PDZD2: variants seen among roughly 807,000 people sequenced by gnomAD.
PDZD2 encodes PDZ domain-containing protein 2.
In PDZD2, 90 loss-of-function variants were observed where a neutral mutation model predicts 220.7. That is an observed-to-expected ratio of 0.41 (90% CI 0.34 to 0.49). The LOEUF is 0.49. Ranked by LOEUF, PDZD2 falls within the 20% of genes least tolerant of loss-of-function variation. The probability of loss-of-function intolerance (pLI) is 0.28; values close to 1 mark genes in which losing one functional copy is unlikely to be tolerated. For missense variants in PDZD2, 3,174 were observed against 3,608.5 expected, an observed-to-expected ratio of 0.88 and a Z score of 3.08; for synonymous variants, 1,375 against 1,450.5, an observed-to-expected ratio of 0.95 and a Z score of 1.18.
intron 2 of PDZD2, among the ~76,000 whole-genome samples, chr5:31,812,353 T>C (rs1008837458): frequency 6.6e-6 from 1 of 152,228 alleles, no homozygotes; most frequent in Non-Finnish European, 1.5e-5. Context: ...ACTGGCTTCC[T>C]TGTTCAATCG....
intron 2 of PDZD2, among the ~76,000 whole-genome samples, chr5:31,800,450 G>C (rs530250577): frequency 2.6e-5 from 4 of 152,174 alleles, no homozygotes; most frequent in Non-Finnish European, 5.9e-5. Flanking sequence ...TGGAGTACCT[G>C]TGTGGCTGAG....
intron 2 of PDZD2, among the ~76,000 whole-genome samples, chr5:31,863,010 C>T (rs1245306258): frequency 6.6e-6 from 1 of 152,152 alleles, no homozygotes; most frequent in African/African-American, 2.4e-5. Context: ...CCCACGCCTG[C>T]TGGGATTACA....
rs892481607 is a variant in PDZD2, at chr5:31,646,047, G to A, written c.-361+6610G>A. ...GGGTGTCAGGGAGCTTTGCACTGCG[G>A]GGGGGCCTTCTCACTACTGTCACTC... On this transcript the variant is annotated intron_variant, in intron 1 of 24. Coordinates refer to ENST00000438447, the MANE Select transcript of PDZD2 (RefSeq NM_178140.4). This position sits in a 1 kb window ranked among gnomAD's most constrained non-coding sequence, Gnocchi z 4.7. 4.1e-5 allele frequency among the ~76,000 whole-genome samples: 1 copy of A among 24,542 alleles called. No individual in the cohort carries two copies. Among genetic ancestry groups the A allele is most frequent in the South Asian group, 3.0e-3 (1 of 336 alleles). 16.1% of individuals were successfully genotyped at this position (24,542 alleles called of 152,430 possible).
chr5:32,071,478 G>C, intron 16 of PDZD2, 60 bp downstream of exon 16: 25 of 1,356,910 alleles, frequency 1.8e-5, no homozygotes, highest in Non-Finnish European at 2.6e-5. Context: ...AATTCCTGGA[G>C]CCCACAAGTC....
At chr5:31,745,120 T>C (rs1174334587) in intron 1 of PDZD2, among the ~76,000 whole-genome samples, 1 of 152,156 alleles carries the variant, frequency 6.6e-6, no homozygotes, top group Admixed American at 6.5e-5. Context: ...AAACACCAAG[T>C]GTCCCTGAGA....
intron 1 of PDZD2, among the ~76,000 whole-genome samples, chr5:31,778,107 G>T (rs766554138): frequency 6.6e-6 from 1 of 152,180 alleles, no homozygotes; most frequent in Admixed American, 6.5e-5. Context: ...AGCTAATCTA[G>T]TGGGGACTTG....
At chr5:31,921,607 T>C (rs1395207379) in intron 2 of PDZD2, among the ~76,000 whole-genome samples, 1 of 152,136 alleles carries the variant, frequency 6.6e-6, no homozygotes, top group Non-Finnish European at 1.5e-5. Flanking sequence ...GGAGGATCGC[T>C]TGAGCTTGTG....
At position 32,085,452 on chromosome 5, in the gene PDZD2, ATT is replaced by A. The variant is rs924402436; in HGVS notation, c.3683-1668_3683-1667del. Among the ~76,000 whole-genome samples, 38 of 142,780 alleles carry A rather than the reference ATT, an allele frequency of 2.7e-4. 1 individual carries two copies. The East Asian group carries it at 3.9e-3, about 14-fold the overall frequency. 93.7% of individuals were successfully genotyped at this position (142,780 alleles called of 152,430 possible). On this transcript the variant is annotated intron_variant, in intron 19 of 24. Transcript: ENST00000438447. ...TCAATAAATGCAATACCTTATTATT[ATT>A]TTTTTTTTTTGAGACGGAGTCTTGC...
chr5:31,995,427 C>A lies in PDZD2; in HGVS notation c.979-149C>A, dbSNP rs916845003. On this transcript the variant is annotated intron_variant, in intron 3 of 24. Coordinates refer to ENST00000438447, the MANE Select transcript of PDZD2 (RefSeq NM_178140.4). ...GCACTGCCAGCCAGAGACTTGGGTC[C>A]AATCGGCAGAATTCTTTTCTCCTGT... 7.7e-6 allele frequency: 6 copies of A among 780,558 alleles called. No individual in the cohort carries two copies. In the African/African-American group the frequency reaches 1.0e-4, roughly 13 times the overall value. The allele number at this position is 780,558 out of a possible 1,614,324, so 48.4% of individuals were successfully genotyped here. A position where few individuals can be genotyped will look rare whatever the true frequency, so the allele number is the denominator to read the frequency against.
intron 2 of PDZD2, among the ~76,000 whole-genome samples, chr5:31,869,248 G>A (rs1738519529): frequency 6.6e-6 from 1 of 152,172 alleles, no homozygotes; most frequent in Non-Finnish European, 1.5e-5. Context: ...AGGAACCTGT[G>A]CTGTCTGTAG....
At chr5:31,740,363 CAA>C (rs58267641) in intron 1 of PDZD2, among the ~76,000 whole-genome samples, 3 of 106,160 alleles carry the variant, frequency 2.8e-5, no homozygotes, top group East Asian at 2.3e-4. Flanking sequence ...TACTAAAAAT[CAA>C]AAAAAAAAAA....
intron 2 of PDZD2, among the ~76,000 whole-genome samples, chr5:31,979,618 T>C (rs1430782306): frequency 4.6e-5 from 7 of 152,052 alleles, no homozygotes; most frequent in Admixed American, 4.6e-4. Flanking sequence ...CAGGTTTATG[T>C]TTTGTGCTGT....
At position 31,688,378 on chromosome 5, in the gene PDZD2, C is replaced by T. The variant is rs147098842; in HGVS notation, c.-361+48941C>T. ...TCTTAAAGAGATAAATAGGGCTGGT[C>T]CACTTCTTTTCAGATTGGCTTCCAC... is the stretch of plus-strand genomic sequence containing the variant. On this transcript the variant is annotated intron_variant, in intron 1 of 24. Transcript: ENST00000438447. 2.8e-3 allele frequency among the ~76,000 whole-genome samples: 427 copies of T among 152,256 alleles called. 1 individual carries two copies. The highest frequency in any genetic ancestry group is 9.7e-3 in the African/African-American group (401 of 41,552).
chr5:31,968,223 TG>T (rs1401644446), intron 2 of PDZD2, among the ~76,000 whole-genome samples: 3 of 152,026 alleles, frequency 2.0e-5, no homozygotes, highest in Non-Finnish European at 4.4e-5. Context: ...CCAGGCGTGG[TG>T]GTGCATGTCT....
At chr5:31,807,880 C>A (rs143049807) in intron 2 of PDZD2, among the ~76,000 whole-genome samples, 2 of 152,248 alleles carry the variant, frequency 1.3e-5, no homozygotes, top group Middle Eastern at 3.4e-3. Flanking sequence ...GGAATGTCAG[C>A]CCTGGTCAGA....
At position 32,088,277 on chromosome 5, in the gene PDZD2, C is replaced by T. The variant is rs776516074; in HGVS notation, c.4829C>T (p.Pro1610Leu). 5 of 1,613,978 alleles carry T rather than the reference C, an allele frequency of 3.1e-6. No individual in the cohort carries two copies. In the Admixed American group the frequency reaches 5.0e-5, roughly 16 times the overall value. ...TGTTCCACACGTGGCTGCCCCAATC[C>T]ACCCTCGAGTCCTGCTCATCTTCCC... ...EICSTRGCPNPPSSPAHLPTQ... is the reference protein window; with the variant it reads ...EICSTRGCPNLPSSPAHLPTQ... The change falls in exon 20 of 25, where the codon CCA becomes CTA. Residue 1610 changes from proline to leucine, a missense_variant. Transcript: ENST00000438447. This position sits in a 1 kb window ranked among gnomAD's most constrained non-coding sequence, Gnocchi z 4.6.
intron 2 of PDZD2, among the ~76,000 whole-genome samples, chr5:31,813,476 T>G: frequency 8.3e-6 from 1 of 119,936 alleles, no homozygotes; most frequent in African/African-American, 3.1e-5. Flanking sequence ...AAAAAAAAAA[T>G]CTAAATATTC....
chr5:31,961,028 T>C (rs913816392), intron 2 of PDZD2, among the ~76,000 whole-genome samples: 2 of 152,236 alleles, frequency 1.3e-5, no homozygotes, highest in Admixed American at 6.5e-5. Context: ...AACATCACTT[T>C]AATTTTTCAG....
intron 6 of PDZD2, among the ~76,000 whole-genome samples, chr5:32,019,365 A>G (rs1754016614): frequency 6.6e-6 from 1 of 152,134 alleles, no homozygotes; most frequent in Non-Finnish European, 1.5e-5. Context: ...GCTGGTCTCA[A>G]ACTCCTGGGC....
Sources: gnomAD v4.1 joint callset for allele counts (sites outside exome capture counted in the v4.1 genomes callset) on GRCh38, gnomAD v4.1.1 for gene constraint, Gnocchi (gnomAD v3.1) non-coding constraint, MANE v1.5 for transcripts, NCBI Gene and HGNC (gene_info 2026-07-23, HGNC 2026-07-21) for gene names.